Variants in FEM1B observed in about 807,000 individuals in gnomAD.
FEM1B encodes the protein fem-1 homolog B.
A neutral mutation model predicts 38.6 loss-of-function variants in FEM1B; 10 were observed. The observed-to-expected ratio is 0.26, with a 90% CI of 0.16 to 0.44. FEM1B has a LOEUF of 0.44. Among genes scored for constraint, FEM1B ranks in the 20% least tolerant of loss-of-function variants. The probability of loss-of-function intolerance (pLI) is 1.00; values close to 1 mark genes in which losing one functional copy is unlikely to be tolerated. For synonymous variants in FEM1B, 288 were observed against 288.0 expected (o/e 1.00, Z 0.00); for missense variants, 471 against 786.7 (o/e 0.60, Z 4.80).
At position 68,281,288 on chromosome 15, in the gene FEM1B, G is replaced by A. The variant is rs117027713; in HGVS notation, c.248+2623G>A. On this transcript the variant is annotated intron_variant, in intron 1 of 1. Coordinates refer to ENST00000306917, the MANE Select transcript of FEM1B (RefSeq NM_015322.5). The surrounding 1 kb of genome is among the most constrained non-coding windows in gnomAD (Gnocchi z 5.1). ...GTGTTTCTAATTTTTAGTCATTCAC[G>A]TGCTAGCTTCATAATTTTTGGCCAA... Among the ~76,000 whole-genome samples the A allele has an allele frequency of 6.6e-6, 1 of 152,124 alleles. No individual in the cohort carries two copies. Among genetic ancestry groups the A allele is most frequent in the African/African-American group, 2.4e-5 (1 of 41,430 alleles).
Position 68,295,015 on chromosome 15 carries a change from A to T in FEM1B, c.*3773A>T, listed in dbSNP as rs1372433792. The T allele has an allele frequency of 1.3e-5, 2 of 152,182 alleles. No individual in the cohort carries two copies. 9.4% of individuals were successfully genotyped at this position (152,182 alleles called of 1,614,324 possible). ...ATGTATTTCTGGCAGACTTGCCCAA[A>T]TCTTTAGATGGGCTGGGTTATACAG... On this transcript the variant is annotated 3_prime_UTR_variant, in exon 2 of 2. Coordinates refer to ENST00000306917, the MANE Select transcript of FEM1B (RefSeq NM_015322.5).
In FEM1B at chr15:68,293,378, C is replaced by G. The variant is rs1017071935; in HGVS notation, c.*2136C>G. The G allele has an allele frequency of 6.6e-6, 1 of 152,224 alleles. No individual in the cohort carries two copies. The highest frequency in any genetic ancestry group is 2.1e-4 in the South Asian group (1 of 4,822). 9.4% of individuals were successfully genotyped at this position (152,224 alleles called of 1,614,324 possible). A position where few individuals can be genotyped will look rare whatever the true frequency, so the allele number is the denominator to read the frequency against. On this transcript the variant is annotated 3_prime_UTR_variant, in exon 2 of 2. Coordinates refer to ENST00000306917, the MANE Select transcript of FEM1B (RefSeq NM_015322.5). The surrounding 1 kb of genome is among the most constrained non-coding windows in gnomAD (Gnocchi z 5.8). ...CATGTTTTAAAAACACATTTCATCCCTTTGGCTACCCAGGACCAGCACTAT... is the reference window on the plus strand; with the variant it reads ...CATGTTTTAAAAACACATTTCATCCGTTTGGCTACCCAGGACCAGCACTAT...
chr15:68,283,092 C>T (rs1333218864), intron 1 of FEM1B, among the ~76,000 whole-genome samples: 6 of 151,982 alleles, frequency 3.9e-5, no homozygotes, highest in Non-Finnish European at 7.4e-5. Context: ...TAGACTATAC[C>T]AGGAAAAATA....
chr15:68,290,029 A>G lies in FEM1B; in HGVS notation c.671A>G (p.Lys224Arg). ...VVNGHGMTPL[K>R]VAAESCKADV... is the part of the protein sequence containing the mutation. ...AATGGCCATGGGATGACGCCATTGA[A>G]AGTAGCTGCCGAAAGCTGTAAAGCT... The change falls in exon 2 of 2, where the codon AAA becomes AGA. Residue 224 changes from lysine (K) to arginine (R), a missense_variant. Around this residue, in one of 3 missense-constraint regions of FEM1B, gnomAD observed 380 missense variants for 599.6 expected, o/e 0.63. Coordinates refer to ENST00000306917, the MANE Select transcript of FEM1B (RefSeq NM_015322.5). This position sits in a 1 kb window ranked among gnomAD's most constrained non-coding sequence, Gnocchi z 9.7. The G allele has an allele frequency of 1.9e-6, 3 of 1,614,250 alleles. No homozygotes were observed. Among genetic ancestry groups the G allele is most frequent in the Non-Finnish European group, 2.5e-6 (3 of 1,180,044 alleles).
Position 68,278,284 on chromosome 15 carries a change from C to T in FEM1B, c.-134C>T. On this transcript the variant is annotated 5_prime_UTR_variant, in exon 1 of 2. Coordinates refer to ENST00000306917, the MANE Select transcript of FEM1B (RefSeq NM_015322.5). The surrounding 1 kb of genome is among the most constrained non-coding windows in gnomAD (Gnocchi z 5.7). ...TCCCTGGGCCGCACTGCTGCCTGGG[C>T]GCGGCGGCGGCGACGGCGCCCTGTT... is the stretch of plus-strand genomic sequence containing the variant. The T allele has an allele frequency of 1.7e-6, 2 of 1,199,214 alleles. No individual in the cohort carries two copies. The highest frequency in any genetic ancestry group is 2.3e-6 in the Non-Finnish European group (2 of 877,588). The allele number at this position is 1,199,214 out of a possible 1,614,324, so 74.3% of individuals were successfully genotyped here.
Position 68,278,802 on chromosome 15 carries a change from A to T in FEM1B, c.248+137A>T. The T allele has an allele frequency of 1.1e-6, 1 of 930,576 alleles. No homozygotes were observed. Among genetic ancestry groups the T allele is most frequent in the Non-Finnish European group, 1.6e-6 (1 of 616,202 alleles). The allele number at this position is 930,576 out of a possible 1,614,324, so 57.6% of individuals were successfully genotyped here. A position where few individuals can be genotyped will look rare whatever the true frequency, so the allele number is the denominator to read the frequency against. Reference sequence around the variant, plus strand: ...CCCTTTTTGTACCACCTCCTGCCCCACTAATGCCCACTTCATCTTCCAGGG... The same window carrying T: ...CCCTTTTTGTACCACCTCCTGCCCCTCTAATGCCCACTTCATCTTCCAGGG... On this transcript the variant is annotated intron_variant, in intron 1 of 1. Transcript: ENST00000306917. This position sits in a 1 kb window ranked among gnomAD's most constrained non-coding sequence, Gnocchi z 5.7.
intron 1 of FEM1B, among the ~76,000 whole-genome samples, chr15:68,285,907 T>G (rs968253820): frequency 1.3e-5 from 2 of 151,666 alleles, no homozygotes; most frequent in African/African-American, 4.9e-5. Flanking sequence ...AAATACTTTC[T>G]TTTTCTTTAA....
At position 68,280,037 on chromosome 15, in the gene FEM1B, G is replaced by A. The variant is rs1892709599; in HGVS notation, c.248+1372G>A. On this transcript the variant is annotated intron_variant, in intron 1 of 1. Coordinates refer to ENST00000306917, the MANE Select transcript of FEM1B (RefSeq NM_015322.5). This position sits in a 1 kb window ranked among gnomAD's most constrained non-coding sequence, Gnocchi z 4.2. ...CGTTCCACCTGTATAGGCATATGAA[G>A]TCATTGAGATATGAATTTCTGTAAT... 6.6e-6 allele frequency: 1 copy of A among 152,208 alleles called. No individual in the cohort carries two copies. Among genetic ancestry groups the A allele is most frequent in the South Asian group, 2.1e-4 (1 of 4,830 alleles). The allele number at this position is 152,208 out of a possible 1,614,324, so 9.4% of individuals were successfully genotyped here. A position where few individuals can be genotyped will look rare whatever the true frequency, so the allele number is the denominator to read the frequency against.
In FEM1B at chr15:68,290,232, G is replaced by A. The variant is rs755637386; in HGVS notation, c.874G>A (p.Glu292Lys). The A allele has an allele frequency of 1.1e-4, 181 of 1,613,890 alleles. No individual in the cohort carries two copies. Among genetic ancestry groups the A allele is most frequent in the Non-Finnish European group, 1.4e-4 (165 of 1,180,012 alleles). Residue 292 changes from glutamate (E) to lysine (K), a missense_variant, in exon 2 of 2, where the codon GAA becomes AAA. By Grantham distance (56) the Glu-to-Lys change is moderately conservative. Around this residue, in one of 3 missense-constraint regions of FEM1B, gnomAD observed 380 missense variants for 599.6 expected, o/e 0.63. Coordinates refer to ENST00000306917, the MANE Select transcript of FEM1B (RefSeq NM_015322.5). This position sits in a 1 kb window ranked among gnomAD's most constrained non-coding sequence, Gnocchi z 9.7. ...GTTCCAAGATGGTGATAACATTCTC[G>A]AAAAAGAGGTTCTTCCACCAATCCA... ...ERFQDGDNIL[E>K]KEVLPPIHAY...
chr15:68,291,078 A>G lies in FEM1B; in HGVS notation c.1720A>G (p.Lys574Glu). 1.2e-6 allele frequency: 2 copies of G among 1,614,142 alleles called. No individual in the cohort carries two copies. The highest frequency in any genetic ancestry group is 1.7e-6 in the Non-Finnish European group (2 of 1,180,008). ...AHTDMTNKQN[K>E]TPLDKSTTGV... ...CACTGACATGACGAATAAACAGAAT[A>G]AGACTCCGCTAGACAAAAGTACAAC... The change falls in exon 2 of 2, where the codon AAG (lysine) becomes GAG (glutamate). Residue 574 changes from lysine to glutamate, a missense_variant. By Grantham distance (56) the Lys-to-Glu change is moderately conservative. Around this residue, in one of 3 missense-constraint regions of FEM1B, gnomAD observed 380 missense variants for 599.6 expected, o/e 0.63. Coordinates refer to ENST00000306917, the MANE Select transcript of FEM1B (RefSeq NM_015322.5). The surrounding 1 kb of genome is among the most constrained non-coding windows in gnomAD (Gnocchi z 6.9).
Position 68,281,665 on chromosome 15 carries a change from T to C in FEM1B, c.248+3000T>C, listed in dbSNP as rs1273698741. ...CGGAGTCTCGCTCTGTCGCCGGGGC[T>C]GGAGTGCAGTGGCGCGATCTCGGCT... On this transcript the variant is annotated intron_variant, in intron 1 of 1. Coordinates refer to ENST00000306917, the MANE Select transcript of FEM1B (RefSeq NM_015322.5). The surrounding 1 kb of genome is among the most constrained non-coding windows in gnomAD (Gnocchi z 5.1). Among the ~76,000 whole-genome samples the C allele has an allele frequency of 6.6e-6, 1 of 152,176 alleles. No individual in the cohort carries two copies. The highest frequency in any genetic ancestry group is 6.5e-5 in the Admixed American group (1 of 15,290).
chr15:68,285,278 T>A (rs1204089283), intron 1 of FEM1B, among the ~76,000 whole-genome samples: 2,163 of 152,326 alleles, frequency 0.014, 56 homozygotes, highest in African/African-American at 0.048. Context: ...AATTAATATT[T>A]TGGTTGTTTC....
intron 1 of FEM1B, among the ~76,000 whole-genome samples, chr15:68,285,512 A>C (rs1255029339): frequency 6.6e-6 from 1 of 152,208 alleles, no homozygotes; most frequent in African/African-American, 2.4e-5. Context: ...GTCAGTTGCC[A>C]CATCTTGCTC....
At chr15:68,283,684 A>AAAC (rs1892753181) in intron 1 of FEM1B, among the ~76,000 whole-genome samples, 1 of 152,090 alleles carries the variant, frequency 6.6e-6, no homozygotes, top group South Asian at 2.1e-4. Flanking sequence ...AAACAAAACA[A>AAAC]AACAAATCCA....
rs924610056 is a variant in FEM1B, at chr15:68,284,449, G to A, written c.249-5158G>A. 1.5e-4 allele frequency among the ~76,000 whole-genome samples: 23 copies of A among 151,936 alleles called. No individual in the cohort carries two copies. Among genetic ancestry groups the A allele is most frequent in the Non-Finnish European group, 2.8e-4 (19 of 68,004 alleles). On this transcript the variant is annotated intron_variant, in intron 1 of 1. Coordinates refer to ENST00000306917, the MANE Select transcript of FEM1B (RefSeq NM_015322.5). The surrounding 1 kb of genome is among the most constrained non-coding windows in gnomAD (Gnocchi z 4.4). ...TGAAAGTATTTGGTATAAATTACTC[G>A]TATTCATTTAAACTATTTTTCTTTG...
chr15:68,287,216 T>G (rs1448103296), intron 1 of FEM1B, among the ~76,000 whole-genome samples: 1 of 152,014 alleles, frequency 6.6e-6, no homozygotes. Context: ...TTAAAAAAAA[T>G]CAATTAACAA....
At position 68,289,362 on chromosome 15, in the gene FEM1B, G is replaced by T; in HGVS notation, c.249-245G>T. 2.4e-6 allele frequency: 1 copy of T among 416,254 alleles called. No individual in the cohort carries two copies. The highest frequency in any genetic ancestry group is 4.3e-6 in the Non-Finnish European group (1 of 232,824). The allele number at this position is 416,254 out of a possible 1,614,324, so 25.8% of individuals were successfully genotyped here. A position where few individuals can be genotyped will look rare whatever the true frequency, so the allele number is the denominator to read the frequency against. ...TAGTAGAAAGTTCGTGATTTTTCAGGTTTGTTTTTTAGGGTTATATACTCT... is the reference window on the plus strand; with the variant it reads ...TAGTAGAAAGTTCGTGATTTTTCAGTTTTGTTTTTTAGGGTTATATACTCT... On this transcript the variant is annotated intron_variant, in intron 1 of 1. Transcript: ENST00000306917. The surrounding 1 kb of genome is among the most constrained non-coding windows in gnomAD (Gnocchi z 6.9).
rs1356413033 is a variant in FEM1B, at chr15:68,278,801, C to T, written c.248+136C>T. ...CCCCTTTTTGTACCACCTCCTGCCC[C>T]ACTAATGCCCACTTCATCTTCCAGG... On this transcript the variant is annotated intron_variant, in intron 1 of 1. Transcript: ENST00000306917. This position sits in a 1 kb window ranked among gnomAD's most constrained non-coding sequence, Gnocchi z 5.7. 1 of 928,770 alleles carries T rather than the reference C, an allele frequency of 1.1e-6. No individual in the cohort carries two copies. Among genetic ancestry groups the T allele is most frequent in the Non-Finnish European group, 1.6e-6 (1 of 614,166 alleles). 57.5% of individuals were successfully genotyped at this position (928,770 alleles called of 1,614,324 possible). A position where few individuals can be genotyped will look rare whatever the true frequency, so the allele number is the denominator to read the frequency against.
chr15:68,289,987 G>C lies in FEM1B; in HGVS notation c.629G>C (p.Arg210Pro). 1 of 1,614,192 alleles carries C rather than the reference G, an allele frequency of 6.2e-7. No homozygotes were observed. Among genetic ancestry groups the C allele is most frequent in the South Asian group, 1.1e-5 (1 of 91,084 alleles). The change falls in exon 2 of 2, where the codon CGT becomes CCT. Residue 210 changes from arginine to proline, a missense_variant. This residue lies in a region of FEM1B where 380 missense variants were observed against 599.6 expected (regional missense o/e 0.63). Transcript: ENST00000306917. The surrounding 1 kb of genome is among the most constrained non-coding windows in gnomAD (Gnocchi z 6.9). ...IDIVKELIKW[R>P]AAIVVNGHGM... ...ATTGTGAAAGAGCTGATAAAATGGCGTGCTGCTATAGTAGTGAATGGCCAT... is the reference window on the plus strand; with the variant it reads ...ATTGTGAAAGAGCTGATAAAATGGCCTGCTGCTATAGTAGTGAATGGCCAT...
Sources: gnomAD v4.1 joint callset for allele counts (sites outside exome capture counted in the v4.1 genomes callset) on GRCh38, gnomAD v4.1.1 for gene constraint, gnomAD v4.1.1 regional missense constraint, Gnocchi (gnomAD v3.1) non-coding constraint, MANE v1.5 for transcripts, NCBI Gene and HGNC (gene_info 2026-07-23, HGNC 2026-07-21) for gene names.